Variants in FOXP1 observed in about 807,000 individuals in gnomAD.
FOXP1 encodes the protein forkhead box protein P1.
Under a neutral mutation model 98.2 loss-of-function variants are expected in FOXP1, and 15 were observed. The observed-to-expected ratio is 0.15, with a 90% confidence interval of 0.10 to 0.24. The LOEUF is 0.24. FOXP1 is among the 10% of genes least tolerant of loss of function. The pLI is 1.00. For missense variants in FOXP1, 633 were observed against 848.5 expected (o/e 0.75, Z 3.15); for synonymous variants, 371 against 314.5 (o/e 1.18, Z -1.90).
intron 5 of FOXP1, among the ~76,000 whole-genome samples, chr3:71,224,916 C>T (rs2065713317): frequency 6.6e-6 from 1 of 152,150 alleles, no homozygotes; most frequent in Non-Finnish European, 1.5e-5. Context: ...CCCAAATCTG[C>T]CAGGACTTGG....
At chr3:71,405,499 G>A (rs1462706501) in intron 3 of FOXP1, among the ~76,000 whole-genome samples, 1 of 152,168 alleles carries the variant, frequency 6.6e-6, no homozygotes, top group East Asian at 1.9e-4. Flanking sequence ...AAAAACTGAA[G>A]CTAAGAGAAT....
At chr3:71,176,757 AAAAAAAAAAAAAAAG>A (rs1560067508) in intron 6 of FOXP1, among the ~76,000 whole-genome samples, 1 of 86,788 alleles carries the variant, frequency 1.2e-5, no homozygotes. Context: ...AAAAAAAAAA[AAAAAAAAAAAAAAAG>A]AGCCGGGGGG....
At chr3:70,973,827 T>C (rs1575769007) in intron 17 of FOXP1, among the ~76,000 whole-genome samples, 1 of 87,632 alleles carries the variant, frequency 1.1e-5, no homozygotes, top group African/African-American at 5.1e-5. Flanking sequence ...ACAAGCGTTT[T>C]GCACACCGCC....
chr3:71,303,969 C>A (rs1666185004), intron 4 of FOXP1, among the ~76,000 whole-genome samples: 1 of 152,210 alleles, frequency 6.6e-6, no homozygotes, highest in African/African-American at 2.4e-5. Context: ...ACAAACACTA[C>A]ACTTCTTTTA....
At chr3:71,404,575 GA>G (rs35267597) in intron 3 of FOXP1, among the ~76,000 whole-genome samples, 49,002 of 145,442 alleles carry the variant, frequency 0.34, 8,985 homozygotes, top group Non-Finnish European at 0.44. Flanking sequence ...CCATTAAGAA[GA>G]AAAAAAAAAA....
intron 20 of FOXP1, among the ~76,000 whole-genome samples, chr3:70,960,997 C>G (rs375221999): frequency 2.6e-5 from 4 of 151,824 alleles, no homozygotes; most frequent in African/African-American, 9.7e-5. Flanking sequence ...CACCTGCCAC[C>G]GCGCCCGGCT....
At chr3:71,032,653 C>A (rs1209263454) in intron 11 of FOXP1, among the ~76,000 whole-genome samples, 1 of 152,178 alleles carries the variant, frequency 6.6e-6, no homozygotes, top group Non-Finnish European at 1.5e-5. Context: ...TCGGAAAGAC[C>A]TATGGAGCCA....
At chr3:71,202,971 C>A (rs142690360) in intron 5 of FOXP1, among the ~76,000 whole-genome samples, 55 of 152,248 alleles carry the variant, frequency 3.6e-4, no homozygotes, top group Non-Finnish European at 6.5e-4. Flanking sequence ...GTATGCATAA[C>A]CTCTGCTTCT....
chr3:71,579,400 A>C (rs1392798896), intron 2 of FOXP1, among the ~76,000 whole-genome samples: 4 of 152,180 alleles, frequency 2.6e-5, no homozygotes, highest in Non-Finnish European at 5.9e-5. Flanking sequence ...TACAGTAATT[A>C]CTGTTACTAC....
intron 4 of FOXP1, among the ~76,000 whole-genome samples, chr3:71,308,248 A>G (rs2074418671): frequency 6.6e-6 from 1 of 152,214 alleles, no homozygotes; most frequent in African/African-American, 2.4e-5. Flanking sequence ...GTTCAAGCCA[A>G]TTATCAGTGG....
rs1039751257 is a variant in FOXP1 at position 71,051,826 on chromosome 3, C to T, written c.510+711G>A. Among the ~76,000 whole-genome samples the T allele has an allele frequency of 2.6e-5, 4 of 152,230 alleles. No individual in the cohort carries two copies. The South Asian group carries it at 8.3e-4, about 32-fold the overall frequency. On this transcript the variant is annotated intron_variant, in intron 9 of 20. Coordinates refer to ENST00000649528, the MANE Select transcript of FOXP1 (RefSeq NM_001349338.3). The stretch of plus-strand genomic sequence containing the variant: ...CTGGTAACTCCCTGGAAAGAAAGGC[C>T]TTATCATTTATGGGACGAATGCTGT...
At chr3:71,008,896 TC>T (rs1398968450) in intron 12 of FOXP1, among the ~76,000 whole-genome samples, 1 of 151,590 alleles carries the variant, frequency 6.6e-6, no homozygotes, top group Non-Finnish European at 1.5e-5. Flanking sequence ...GACCTGTGAG[TC>T]CCCCCCACCT....
chr3:71,492,331 A>C (rs1407324858), intron 3 of FOXP1, among the ~76,000 whole-genome samples: 2 of 152,034 alleles, frequency 1.3e-5, no homozygotes, highest in Non-Finnish European at 2.9e-5. Flanking sequence ...GGGCGCCTGT[A>C]ATCTCAGCTA....
rs1324651213 is a variant in FOXP1 at position 71,042,208 on chromosome 3, T to C, written c.665-676A>G. ...TATACAAGTAACACTATTATTACTG[T>C]CATTTCTTAGATCAATGGTAATGAA... is the stretch of plus-strand genomic sequence containing the variant. On this transcript the variant is annotated intron_variant, in intron 10 of 20. Transcript: ENST00000649528. 4.6e-5 allele frequency among the ~76,000 whole-genome samples: 7 copies of C among 152,212 alleles called. No individual in the cohort carries two copies. The East Asian group carries it at 1.3e-3, about 29-fold the overall frequency.
At chr3:71,468,344 G>A (rs1329677416) in intron 3 of FOXP1, among the ~76,000 whole-genome samples, 2 of 152,124 alleles carry the variant, frequency 1.3e-5, no homozygotes, top group Non-Finnish European at 2.9e-5. Flanking sequence ...CCTGATTGAC[G>A]TGAAGGTGAA....
At chr3:71,005,340 A>AAAC (rs2042658596) in intron 12 of FOXP1, among the ~76,000 whole-genome samples, 5 of 149,004 alleles carry the variant, frequency 3.4e-5, no homozygotes, top group African/African-American at 1.3e-4. Context: ...AAAAAAAAAA[A>AAAC]ACCAGAATCA....
chr3:71,340,529 T>C (rs150706715), intron 4 of FOXP1, among the ~76,000 whole-genome samples: 1 of 152,310 alleles, frequency 6.6e-6, no homozygotes, highest in African/African-American at 2.4e-5. Context: ...TGCATTTTAT[T>C]CTTATTTCTT....
intron 17 of FOXP1, among the ~76,000 whole-genome samples, chr3:70,976,128 C>T (rs2037462872): frequency 6.6e-6 from 1 of 150,472 alleles, no homozygotes; most frequent in African/African-American, 2.5e-5. Flanking sequence ...GGGCTCACTG[C>T]AGCCTCAACC....
rs1278301539 is a variant in FOXP1 at position 71,059,761 on chromosome 3, G to C, written c.283-5988C>G. Among the ~76,000 whole-genome samples the C allele has an allele frequency of 3.3e-5, 5 of 152,090 alleles. No individual in the cohort carries two copies. The East Asian group carries it at 9.6e-4, about 29-fold the overall frequency. On this transcript the variant is annotated intron_variant, in intron 7 of 20. Coordinates refer to ENST00000649528, the MANE Select transcript of FOXP1 (RefSeq NM_001349338.3). ...TGTTTAAGTGCTGCAAATGGGAGGA[G>C]GGGAGGACTATTCCAAGAAGGTACC...
Sources: allele counts gnomAD v4.1 joint callset (sites outside exome capture counted in the v4.1 genomes callset), GRCh38; gene constraint gnomAD v4.1.1; transcripts MANE v1.5; gene names NCBI Gene and HGNC (gene_info 2026-07-23, HGNC 2026-07-21).